Variants in CSMD3 observed in about 807,000 individuals in gnomAD.
The protein encoded by CSMD3 is CUB and sushi domain-containing protein 3.
CSMD3 carries 177 observed loss-of-function variants against 435.2 expected under a neutral mutation model. The ratio of observed to expected loss-of-function variants is 0.41; its 90% CI spans 0.36 to 0.46. The LOEUF is 0.46. CSMD3 is among the 20% of genes least tolerant of loss of function. CSMD3 has a pLI of 0.34. For missense variants in CSMD3, 4,265 were observed against 4,504.6 expected (o/e 0.95, Z 1.52); for synonymous variants, 1,656 against 1,520.5 (o/e 1.09, Z -2.07).
intron 13 of CSMD3, among the ~76,000 whole-genome samples, chr8:112,721,950 T>A (rs1350805336): frequency 5.3e-5 from 8 of 152,142 alleles, no homozygotes; most frequent in Non-Finnish European, 8.8e-5. Flanking sequence ...TGGTTAGAGT[T>A]CATATTTTGA....
chr8:113,134,242 T>C (rs992225433), intron 4 of CSMD3, among the ~76,000 whole-genome samples: 2 of 152,086 alleles, frequency 1.3e-5, no homozygotes, highest in Admixed American at 1.3e-4. Context: ...CTTTCCTATA[T>C]TACCTCCTTC....
At chr8:112,606,300 A>G (rs1249051126) in intron 22 of CSMD3, among the ~76,000 whole-genome samples, 1 of 152,130 alleles carries the variant, frequency 6.6e-6, no homozygotes, top group African/African-American at 2.4e-5. Context: ...CAGCATGCAG[A>G]ACACTGCCTA....
At chr8:113,150,089 A>G (rs1588156458) in intron 4 of CSMD3, among the ~76,000 whole-genome samples, 1 of 152,110 alleles carries the variant, frequency 6.6e-6, no homozygotes, top group African/African-American at 2.4e-5. Context: ...CAGCATATCT[A>G]TAGTAACAAA....
At chr8:113,404,427 A>T (rs1317158951) in intron 1 of CSMD3, among the ~76,000 whole-genome samples, 1 of 151,404 alleles carries the variant, frequency 6.6e-6, no homozygotes, top group Non-Finnish European at 1.5e-5. Flanking sequence ...ATTCGACTTT[A>T]AATTCCTTGA....
At chr8:112,647,225 T>C (rs1361537025) in intron 19 of CSMD3, among the ~76,000 whole-genome samples, 1 of 152,068 alleles carries the variant, frequency 6.6e-6, no homozygotes. Context: ...CCCTCACAAA[T>C]GATGAATATA....
chr8:113,104,048 A>C (rs2131569969), intron 4 of CSMD3, among the ~76,000 whole-genome samples: 1 of 152,238 alleles, frequency 6.6e-6, no homozygotes, highest in South Asian at 2.1e-4. Flanking sequence ...ACACAGCTTC[A>C]TAAAACACCC....
intron 7 of CSMD3, among the ~76,000 whole-genome samples, chr8:112,962,200 ATTTTC>A (rs974067809): frequency 1.1e-4 from 16 of 151,102 alleles, no homozygotes; most frequent in Non-Finnish European, 1.8e-4. Flanking sequence ...AATACAAGTG[ATTTTC>A]TTTTCTTTTG....
intron 4 of CSMD3, among the ~76,000 whole-genome samples, chr8:113,161,896 T>C (rs1421684759): frequency 1.3e-5 from 2 of 152,182 alleles, no homozygotes; most frequent in Non-Finnish European, 2.9e-5. Flanking sequence ...GGTGTTACTT[T>C]ACCAAAATTA....
chr8:112,686,134 C>T (rs991193630), intron 14 of CSMD3, among the ~76,000 whole-genome samples: 1 of 152,072 alleles, frequency 6.6e-6, no homozygotes, highest in African/African-American at 2.4e-5. Context: ...AACAAGAATC[C>T]GGTAGCTCAG....
In CSMD3 at chr8:112,972,029, TATTTA is replaced by T. The variant is rs528537420; in HGVS notation, c.1342+3803_1342+3807del. On this transcript the variant is annotated intron_variant, in intron 7 of 70. Coordinates refer to ENST00000297405, the MANE Select transcript of CSMD3 (RefSeq NM_198123.2). ...ATTTAAATAAAAGTTATAGTGAGTT[TATTTA>T]ATTTATCTATGTGTTAATTCACTTA... Among the ~76,000 whole-genome samples, 24 of 152,100 alleles carry T rather than the reference TATTTA, an allele frequency of 1.6e-4. No homozygotes were observed. In the South Asian group the frequency reaches 3.5e-3, roughly 22 times the overall value.
chr8:113,383,029 C>T (rs941863120), intron 1 of CSMD3, among the ~76,000 whole-genome samples: 1 of 144,644 alleles, frequency 6.9e-6, no homozygotes, highest in African/African-American at 2.8e-5. Context: ...GTTAAACACT[C>T]TAGAATTTCA....
chr8:113,222,594 T>C (rs2092981212), intron 3 of CSMD3, among the ~76,000 whole-genome samples: 1 of 151,148 alleles, frequency 6.6e-6, no homozygotes. Flanking sequence ...AGATAAAAAT[T>C]GTACATGGTT....
intron 32 of CSMD3, among the ~76,000 whole-genome samples, chr8:112,449,791 C>T (rs1000062033): frequency 2.0e-5 from 3 of 152,140 alleles, no homozygotes; most frequent in African/African-American, 7.2e-5. Context: ...GGCACGATCT[C>T]GGCTCACTGC....
At chr8:112,373,493 A>T (rs1828645452) in intron 38 of CSMD3, among the ~76,000 whole-genome samples, 1 of 151,842 alleles carries the variant, frequency 6.6e-6, no homozygotes, top group South Asian at 2.1e-4. Flanking sequence ...GCTTATCTCA[A>T]GTACCTAAAA....
chr8:113,263,217 G>T (rs986658975), intron 3 of CSMD3, among the ~76,000 whole-genome samples: 4 of 151,864 alleles, frequency 2.6e-5, no homozygotes, highest in Admixed American at 2.6e-4. Context: ...ATATTGATAA[G>T]TGCCTTCAAA....
intron 13 of CSMD3, among the ~76,000 whole-genome samples, chr8:112,726,374 C>T (rs1284063123): frequency 1.3e-5 from 2 of 151,874 alleles, no homozygotes; most frequent in Non-Finnish European, 2.9e-5. Context: ...ATTAGCATAT[C>T]ACCTCTGCTT....
chr8:112,271,230 G>A (rs1460958381), intron 59 of CSMD3, among the ~76,000 whole-genome samples: 1 of 152,082 alleles, frequency 6.6e-6, no homozygotes, highest in East Asian at 1.9e-4. Flanking sequence ...AAATATCATT[G>A]ATAACAAATA....
intron 13 of CSMD3, among the ~76,000 whole-genome samples, chr8:112,784,993 C>T (rs1453506710): frequency 6.6e-6 from 1 of 151,940 alleles, no homozygotes; most frequent in African/African-American, 2.4e-5. Context: ...GTTTGATGAA[C>T]ATTGATGTAA....
chr8:112,783,198 G>A (rs1020177252), intron 13 of CSMD3, among the ~76,000 whole-genome samples: 33 of 151,764 alleles, frequency 2.2e-4, no homozygotes, highest in African/African-American at 7.7e-4. Context: ...GGGGGATAAA[G>A]AGTAGAGTTT....
Sources: gnomAD v4.1 joint callset for allele counts (sites outside exome capture counted in the v4.1 genomes callset) on GRCh38, gnomAD v4.1.1 for gene constraint, MANE v1.5 for transcripts, NCBI Gene and HGNC (gene_info 2026-07-23, HGNC 2026-07-21) for gene names.